TRPC4: variants seen among roughly 807,000 people sequenced by gnomAD.
The protein encoded by TRPC4 is short transient receptor potential channel 4.
In TRPC4, 49 loss-of-function variants were observed where a neutral mutation model predicts 99.4. The ratio of observed to expected loss-of-function variants is 0.49; its 90% CI spans 0.39 to 0.63. The LOEUF is 0.63. Ranked by LOEUF, TRPC4 falls within the 20% of genes least tolerant of loss-of-function variation. TRPC4 has a pLI of 0.00. For synonymous variants in TRPC4, 454 were observed against 425.9 expected, an observed-to-expected ratio of 1.07 and a Z score of -0.81; for missense variants, 898 against 1,152.9, an observed-to-expected ratio of 0.78 and a Z score of 3.20.
At chr13:37,812,393 C>T (rs1159156767) in intron 1 of TRPC4, among the ~76,000 whole-genome samples, 2 of 151,546 alleles carry the variant, frequency 1.3e-5, no homozygotes, top group Non-Finnish European at 2.9e-5. Flanking sequence ...AATCTAAACT[C>T]ACCTAGAACT....
At chr13:37,684,568 G>T (rs905485844) in intron 4 of TRPC4, among the ~76,000 whole-genome samples, 3 of 152,010 alleles carry the variant, frequency 2.0e-5, no homozygotes, top group Admixed American at 6.6e-5. Flanking sequence ...GAAGTAGAAT[G>T]CTTATGTAGA....
intron 3 of TRPC4, among the ~76,000 whole-genome samples, chr13:37,704,295 T>G (rs1248785523): frequency 6.6e-6 from 1 of 152,198 alleles, no homozygotes; most frequent in East Asian, 1.9e-4. Flanking sequence ...TTTGTTTATG[T>G]TTTCACAGGT....
chr13:37,868,060 G>C (rs1959886027), intron 1 of TRPC4, among the ~76,000 whole-genome samples: 1 of 151,974 alleles, frequency 6.6e-6, no homozygotes, highest in Non-Finnish European at 1.5e-5. Flanking sequence ...AAAGTTATTT[G>C]GTCTCTTACT....
chr13:37,754,958 A>G (rs1044175204), intron 2 of TRPC4, among the ~76,000 whole-genome samples: 1 of 152,116 alleles, frequency 6.6e-6, no homozygotes, highest in Non-Finnish European at 1.5e-5. Context: ...CTGATGTTTT[A>G]CCCAAATGTA....
At chr13:37,760,516 A>C (rs1956195368) in intron 2 of TRPC4, among the ~76,000 whole-genome samples, 1 of 151,972 alleles carries the variant, frequency 6.6e-6, no homozygotes, top group Non-Finnish European at 1.5e-5. Context: ...TTCTAAGAAT[A>C]GTAAGGAGGA....
At chr13:37,689,246 C>T (rs1363897868) in intron 4 of TRPC4, among the ~76,000 whole-genome samples, 1 of 152,098 alleles carries the variant, frequency 6.6e-6, no homozygotes, top group African/African-American at 2.4e-5. Flanking sequence ...GAGCTTGTGA[C>T]CACCCATAAT....
chr13:37,816,520 CTCAT>C (rs1400147915), intron 1 of TRPC4, among the ~76,000 whole-genome samples: 3 of 151,962 alleles, frequency 2.0e-5, no homozygotes, highest in Non-Finnish European at 4.4e-5. Flanking sequence ...TCCTCCCTAA[CTCAT>C]TCAATGAGGC....
chr13:37,640,529 T>C (rs1411051325), intron 8 of TRPC4, among the ~76,000 whole-genome samples: 1 of 152,170 alleles, frequency 6.6e-6, no homozygotes, highest in African/African-American at 2.4e-5. Flanking sequence ...TCATTCACTT[T>C]TGCATGAGAA....
chr13:37,668,646 A>C (rs1050736700), intron 5 of TRPC4, among the ~76,000 whole-genome samples: 1 of 152,146 alleles, frequency 6.6e-6, no homozygotes. Context: ...AAGTTTATTG[A>C]ATGTAGGAAA....
chr13:37,690,392 G>A (rs917632573), intron 4 of TRPC4, among the ~76,000 whole-genome samples: 48 of 152,186 alleles, frequency 3.2e-4, no homozygotes, highest in Middle Eastern at 6.8e-3. Flanking sequence ...TTGGTTCACC[G>A]CAACCTCTGC....
At chr13:37,708,433 C>A (rs1352501217) in intron 3 of TRPC4, among the ~76,000 whole-genome samples, 1 of 152,012 alleles carries the variant, frequency 6.6e-6, no homozygotes, top group Non-Finnish European at 1.5e-5. Context: ...ACTTATATTT[C>A]TGTCAGGATA....
chr13:37,715,823 C>T (rs1954642935), intron 3 of TRPC4, among the ~76,000 whole-genome samples: 1 of 152,102 alleles, frequency 6.6e-6, no homozygotes, highest in Admixed American at 6.6e-5. Flanking sequence ...CCAGAATTGG[C>T]CTATATTAAA....
intron 1 of TRPC4, among the ~76,000 whole-genome samples, chr13:37,795,135 T>C (rs1566176798): frequency 6.6e-6 from 1 of 152,194 alleles, no homozygotes; most frequent in Non-Finnish European, 1.5e-5. Context: ...TTAAGCTGGA[T>C]TTAGAATTTC....
intron 3 of TRPC4, among the ~76,000 whole-genome samples, chr13:37,734,433 C>T (rs529506232): frequency 7.9e-5 from 12 of 152,094 alleles, no homozygotes; most frequent in Admixed American, 6.6e-4. Context: ...TATGGAATTG[C>T]GTTTAGAGAC....
intron 4 of TRPC4, among the ~76,000 whole-genome samples, chr13:37,688,986 A>G (rs933398422): frequency 6.6e-6 from 1 of 152,190 alleles, no homozygotes; most frequent in Non-Finnish European, 1.5e-5. Flanking sequence ...TAGAGGATTC[A>G]TTAATATAGT....
intron 5 of TRPC4, among the ~76,000 whole-genome samples, chr13:37,667,152 T>C (rs1286093116): frequency 1.3e-5 from 2 of 152,232 alleles, no homozygotes; most frequent in African/African-American, 4.8e-5. Flanking sequence ...AATCCCAGCA[T>C]CTAAACCCAA....
At chr13:37,741,317 T>C (rs1236207375) in intron 3 of TRPC4, among the ~76,000 whole-genome samples, 1 of 152,250 alleles carries the variant, frequency 6.6e-6, no homozygotes, top group East Asian at 1.9e-4. Flanking sequence ...CCACAGACTC[T>C]GCATCTGCAA....
intron 1 of TRPC4, among the ~76,000 whole-genome samples, chr13:37,828,471 A>C (rs760666630): frequency 6.6e-6 from 1 of 152,228 alleles, no homozygotes; most frequent in Non-Finnish European, 1.5e-5. Context: ...TAACACACCC[A>C]TTCCATTATT....
intron 3 of TRPC4, among the ~76,000 whole-genome samples, chr13:37,721,486 G>A (rs896341375): frequency 1.3e-5 from 2 of 152,020 alleles, no homozygotes; most frequent in African/African-American, 4.8e-5. Flanking sequence ...ATATTGCAAA[G>A]GTGTTTCTAC....
Sources: allele counts gnomAD v4.1 joint callset (sites outside exome capture counted in the v4.1 genomes callset), GRCh38; gene constraint gnomAD v4.1.1; transcripts MANE v1.5; gene names NCBI Gene and HGNC (gene_info 2026-07-23, HGNC 2026-07-21).